Variants in KCNIP4 observed in about 807,000 individuals in gnomAD.
KCNIP4 encodes Kv channel-interacting protein 4.
In KCNIP4, 12 loss-of-function variants were observed where a neutral mutation model predicts 34.0. The ratio of observed to expected loss-of-function variants is 0.35; its 90% CI spans 0.23 to 0.57. The LOEUF (loss-of-function observed/expected upper bound fraction) is 0.57. Among genes scored for constraint, KCNIP4 ranks in the 20% least tolerant of loss-of-function variants. The pLI is 0.83. For missense variants in KCNIP4, 238 were observed against 311.7 expected (o/e 0.76, Z 1.78); for synonymous variants, 124 against 102.2 (o/e 1.21, Z -1.29).
At chr4:20,775,693 A>G (rs1355653151) in intron 3 of KCNIP4, among the ~76,000 whole-genome samples, 2 of 152,130 alleles carry the variant, frequency 1.3e-5, no homozygotes, top group Non-Finnish European at 2.9e-5. Context: ...GGCAACAGAG[A>G]GAGACTGTCT....
intron 1 of KCNIP4, among the ~76,000 whole-genome samples, chr4:21,755,470 G>A (rs566709612): frequency 2.3e-4 from 35 of 152,262 alleles, no homozygotes; most frequent in African/African-American, 8.4e-4. Flanking sequence ...GGAACAGGCA[G>A]ACTTACCCCC....
chr4:21,939,136 G>A (rs1730053230), intron 1 of KCNIP4, among the ~76,000 whole-genome samples: 1 of 152,138 alleles, frequency 6.6e-6, no homozygotes, highest in African/African-American at 2.4e-5. Context: ...CTTCTAACAA[G>A]TTAGTTTTAC....
intron 1 of KCNIP4, among the ~76,000 whole-genome samples, chr4:21,512,405 T>A (rs1412269578): frequency 6.6e-6 from 1 of 152,212 alleles, no homozygotes; most frequent in East Asian, 1.9e-4. Context: ...AGGTTTTTAT[T>A]TGCAGATGGC....
intron 1 of KCNIP4, among the ~76,000 whole-genome samples, chr4:21,351,460 T>C (rs1560316825): frequency 6.6e-6 from 1 of 152,178 alleles, no homozygotes; most frequent in Non-Finnish European, 1.5e-5. Flanking sequence ...TCCACCATGA[T>C]TGTGAGGCCT....
intron 1 of KCNIP4, among the ~76,000 whole-genome samples, chr4:21,124,056 A>G (rs1485035037): frequency 6.6e-6 from 1 of 151,850 alleles, no homozygotes; most frequent in Non-Finnish European, 1.5e-5. Flanking sequence ...AAAAAAAACA[A>G]CAAAAAAAAC....
chr4:20,895,433 A>G (rs1178010171), intron 1 of KCNIP4, among the ~76,000 whole-genome samples: 5 of 152,190 alleles, frequency 3.3e-5, no homozygotes, highest in Admixed American at 3.3e-4. Flanking sequence ...AAATGGGGCT[A>G]ATAATAGATG....
chr4:21,603,251 G>A (rs1025563666), intron 1 of KCNIP4, among the ~76,000 whole-genome samples: 1 of 152,038 alleles, frequency 6.6e-6, no homozygotes. Context: ...TCTGTAAAAT[G>A]ACCTTGGAGT....
chr4:21,354,961 G>T (rs1012902788), intron 1 of KCNIP4, among the ~76,000 whole-genome samples: 2 of 152,326 alleles, frequency 1.3e-5, no homozygotes, highest in African/African-American at 4.8e-5. Flanking sequence ...TCAGATTACA[G>T]TGCAATCAAA....
intron 1 of KCNIP4, among the ~76,000 whole-genome samples, chr4:21,512,087 A>AGGAG (rs72098591): frequency 7.0e-6 from 1 of 141,900 alleles, no homozygotes; most frequent in Non-Finnish European, 1.5e-5. Flanking sequence ...GAAGGAAGGA[A>AGGAG]GGAGGGAGGG....
chr4:21,073,162 G>GT (rs1430126236), intron 1 of KCNIP4, among the ~76,000 whole-genome samples: 1 of 152,100 alleles, frequency 6.6e-6, no homozygotes, highest in Non-Finnish European at 1.5e-5. Flanking sequence ...CTTTAAAGTA[G>GT]TTTTTTCCAA....
At chr4:21,352,089 A>G (rs1160557913) in intron 1 of KCNIP4, among the ~76,000 whole-genome samples, 2 of 152,126 alleles carry the variant, frequency 1.3e-5, no homozygotes, top group Non-Finnish European at 2.9e-5. Flanking sequence ...CATCCATCTC[A>G]AGGCAGAGAT....
rs1309327076 is a variant in KCNIP4 at position 21,714,780 on chromosome 4, CCTTTGATT to C, written c.61+233783_61+233790del. 3.1e-3 allele frequency among the ~76,000 whole-genome samples: 154 copies of C among 49,388 alleles called. 2 individuals are homozygous for C. The highest frequency in any genetic ancestry group is 0.01 in the African/African-American group (74 of 7,048). 32.4% of individuals were successfully genotyped at this position (49,388 alleles called of 152,430 possible). A position where few individuals can be genotyped will look rare whatever the true frequency, so the allele number is the denominator to read the frequency against. ...TTATAAAGAATGTGTTAGTAATTTC[CCTTTGATT>C]ATTTTATTTTATTTTATTTTATTTT... On this transcript the variant is annotated intron_variant, in intron 1 of 8. Coordinates refer to ENST00000382152, the MANE Select transcript of KCNIP4 (RefSeq NM_025221.6).
chr4:20,866,064 A>G (rs1722846620), intron 2 of KCNIP4, among the ~76,000 whole-genome samples: 1 of 152,064 alleles, frequency 6.6e-6, no homozygotes, highest in Non-Finnish European at 1.5e-5. Flanking sequence ...TCATAGCTGA[A>G]TTCTACCAGA....
chr4:21,169,290 C>G (rs1753840777), intron 1 of KCNIP4, among the ~76,000 whole-genome samples: 1 of 151,820 alleles, frequency 6.6e-6, no homozygotes, highest in African/African-American at 2.4e-5. Context: ...GTAGCGAGGA[C>G]TGTAGGTTGG....
intron 1 of KCNIP4, among the ~76,000 whole-genome samples, chr4:21,125,147 G>C (rs2109148320): frequency 7.4e-6 from 1 of 135,038 alleles, no homozygotes; most frequent in African/African-American, 2.6e-5. Flanking sequence ...ACTTGAATGT[G>C]CATCAGAATC....
At chr4:21,913,815 A>AAC (rs1202021429) in intron 1 of KCNIP4, among the ~76,000 whole-genome samples, 1 of 152,178 alleles carries the variant, frequency 6.6e-6, no homozygotes, top group African/African-American at 2.4e-5. Flanking sequence ...TTCTGAGTGT[A>AAC]ACAGAGAATC....
At chr4:21,035,141 G>A (rs1052232682) in intron 1 of KCNIP4, among the ~76,000 whole-genome samples, 3 of 152,160 alleles carry the variant, frequency 2.0e-5, no homozygotes, top group Admixed American at 6.5e-5. Flanking sequence ...TTTTGGGGGA[G>A]AGCACCAAGC....
intron 3 of KCNIP4, among the ~76,000 whole-genome samples, chr4:20,807,667 A>T (rs907569248): frequency 1.3e-5 from 2 of 152,138 alleles, no homozygotes; most frequent in African/African-American, 2.4e-5. Flanking sequence ...ATCTTTTAGA[A>T]AGCTTCAGGA....
At chr4:21,450,000 T>G (rs575415065) in intron 1 of KCNIP4, among the ~76,000 whole-genome samples, 2 of 152,272 alleles carry the variant, frequency 1.3e-5, no homozygotes, top group East Asian at 3.9e-4. Context: ...AGAAATTCAA[T>G]GGTAAGTAAG....
Sources: gnomAD v4.1 joint callset for allele counts (sites outside exome capture counted in the v4.1 genomes callset) on GRCh38, gnomAD v4.1.1 for gene constraint, MANE v1.5 for transcripts, NCBI Gene and HGNC (gene_info 2026-07-23, HGNC 2026-07-21) for gene names.